MYO18A: variants seen among roughly 807,000 people sequenced by gnomAD.
MYO18A encodes the protein unconventional myosin-XVIIIa.
Under a neutral mutation model 235.8 loss-of-function variants are expected in MYO18A, and 78 were observed. The observed-to-expected ratio is 0.33, with a 90% confidence interval of 0.28 to 0.40. The LOEUF (loss-of-function observed/expected upper bound fraction) is 0.40. MYO18A is among the 10% of genes least tolerant of loss of function. The probability of loss-of-function intolerance (pLI) is 1.00; values close to 1 mark genes in which losing one functional copy is unlikely to be tolerated. For synonymous variants in MYO18A, 977 were observed against 1,077.8 expected (o/e 0.91, Z 1.83); for missense variants, 2,215 against 2,699.3 (o/e 0.82, Z 3.98).
chr17:29,149,031 A>G (rs1196446247), intron 2 of MYO18A, among the ~76,000 whole-genome samples: 1 of 152,228 alleles, frequency 6.6e-6, no homozygotes, highest in Non-Finnish European at 1.5e-5. Flanking sequence ...GGCGCCCAGC[A>G]GAGGGTGGCA....
At chr17:29,177,817 G>A (rs757549988) in intron 1 of MYO18A, among the ~76,000 whole-genome samples, 1 of 152,206 alleles carries the variant, frequency 6.6e-6, no homozygotes, top group Non-Finnish European at 1.5e-5. Context: ...CAGCTCACGT[G>A]GATGCTCTGG....
At chr17:29,154,143 T>A (rs1004059641) in intron 2 of MYO18A, among the ~76,000 whole-genome samples, 3 of 128,172 alleles carry the variant, frequency 2.3e-5, no homozygotes, top group Admixed American at 1.5e-4. Flanking sequence ...CGTGTGTATG[T>A]GGCGCCTAGG....
At chr17:29,163,517 C>T (rs1278895952) in intron 2 of MYO18A, among the ~76,000 whole-genome samples, 5 of 152,210 alleles carry the variant, frequency 3.3e-5, no homozygotes, top group African/African-American at 9.6e-5. Context: ...AAGAAGTCCT[C>T]TGGGCACCAG....
intron 2 of MYO18A, among the ~76,000 whole-genome samples, chr17:29,162,689 G>A (rs1175978047): frequency 6.6e-6 from 1 of 152,214 alleles, no homozygotes; most frequent in Non-Finnish European, 1.5e-5. Context: ...CTCACCGCTG[G>A]AGCCCAGGAC....
In MYO18A at chr17:29,096,800, TG is replaced by T. The variant is rs2066528771; in HGVS notation, c.4345del (p.Gln1449SerfsTer50). On this transcript the variant is annotated frameshift_variant, in exon 28 of 42. Coordinates refer to ENST00000527372, the MANE Select transcript of MYO18A (RefSeq NM_078471.4). LOFTEE classifies it high-confidence loss of function. ...LQDTKLHLEG[Q>X]QVRNHELEKK... ...CTCCAGTTCGTGGTTGCGGACCTGC[TG>T]GCCCTCCAGGTGCAGCTTGGTGTCT... 1 of 1,606,590 alleles carries T rather than the reference TG, an allele frequency of 6.2e-7. No individual in the cohort carries two copies. Among genetic ancestry groups the T allele is most frequent in the South Asian group, 1.1e-5 (1 of 89,168 alleles).
intron 15 of MYO18A, among the ~76,000 whole-genome samples, chr17:29,112,164 C>T (rs2066947096): frequency 6.6e-6 from 1 of 152,212 alleles, no homozygotes. Context: ...GCCCCGAGGC[C>T]CTCCTCCACC....
intron 2 of MYO18A, among the ~76,000 whole-genome samples, chr17:29,144,550 G>T (rs916226538): frequency 6.6e-6 from 1 of 152,192 alleles, no homozygotes; most frequent in Non-Finnish European, 1.5e-5. Flanking sequence ...TGACCTAAGG[G>T]AAAGTTACTT....
At chr17:29,079,657 G>T (rs1381134309) in intron 41 of MYO18A, 2 of 954,898 alleles carry the variant, frequency 2.1e-6, no homozygotes, top group Non-Finnish European at 2.5e-6. Context: ...GGCGGCCTGA[G>T]GGGCAGGGAG....
At chr17:29,093,942 G>A in intron 31 of MYO18A, 38 bp downstream of exon 31, 1 of 1,437,834 alleles carries the variant, frequency 7.0e-7, no homozygotes, top group Non-Finnish European at 9.6e-7. Context: ...ATGGGAACAG[G>A]TGTTTACGCT....
At position 29,109,982 on chromosome 17, in the gene MYO18A, G is replaced by T. The variant is rs1598318228; in HGVS notation, c.3207C>A (p.Ser1069Arg). 2 of 1,611,390 alleles carry T rather than the reference G, an allele frequency of 1.2e-6. No individual in the cohort carries two copies. Among genetic ancestry groups the T allele is most frequent in the Non-Finnish European group, 1.7e-6 (2 of 1,178,980 alleles). ...RSASSRRVSS[S>R]SELDLPSGDH... is the part of the protein sequence containing the mutation. ...CTCCCGAGGGCAGGTCCAGCTCACT[G>T]CTGCTGCTGACTCGGCGGGAGGAGG... The change falls in exon 19 of 42, where the codon AGC (serine) becomes AGA (arginine). Residue 1069 changes from serine (S) to arginine (R), a missense_variant. Transcript: ENST00000527372. This position sits in a 1 kb window ranked among gnomAD's most constrained non-coding sequence, Gnocchi z 4.1.
chr17:29,119,508 G>A, intron 7 of MYO18A, 73 bp from the exon 8 acceptor site: 1 of 1,116,982 alleles, frequency 9.0e-7, no homozygotes, highest in Non-Finnish European at 1.3e-6. Flanking sequence ...ACATAAGAAG[G>A]AATCAAACAC....
chr17:29,119,958 C>T lies in MYO18A; in HGVS notation c.1729-523G>A, dbSNP rs150422132. On this transcript the variant is annotated intron_variant, in intron 7 of 41. Coordinates refer to ENST00000527372, the MANE Select transcript of MYO18A (RefSeq NM_078471.4). Reference sequence around the variant, plus strand: ...TGGCGCAATCACAGCTCGCTGCAGCCTTAACCTCCCAGGTTCAAGTGACCC... The same window carrying T: ...TGGCGCAATCACAGCTCGCTGCAGCTTTAACCTCCCAGGTTCAAGTGACCC... Among the ~76,000 whole-genome samples the T allele has an allele frequency of 3.7e-3, 558 of 152,266 alleles. 3 individuals are homozygous for T. Among genetic ancestry groups the T allele is most frequent in the Middle Eastern group, 3.4e-3 (1 of 294 alleles).
intron 40 of MYO18A, among the ~76,000 whole-genome samples, chr17:29,083,549 C>T (rs890065130): frequency 6.6e-6 from 1 of 151,778 alleles, no homozygotes; most frequent in African/African-American, 2.4e-5. Flanking sequence ...CACACACACA[C>T]ACACACACAC....
In MYO18A at chr17:29,171,504, C is replaced by T. The variant is rs538864173; in HGVS notation, c.-81-4483G>A. Among the ~76,000 whole-genome samples the T allele has an allele frequency of 2.0e-5, 3 of 151,962 alleles. No individual in the cohort carries two copies. In the South Asian group the frequency reaches 6.2e-4, roughly 32 times the overall value. ...CCACTCAAAAGAAAAGAACTATAAA[C>T]AAATATTGAACTCTAGTGAATGATA... On this transcript the variant is annotated intron_variant, in intron 1 of 41. Transcript: ENST00000527372.
chr17:29,168,044 C>A (rs1279943723), intron 1 of MYO18A, among the ~76,000 whole-genome samples: 2 of 152,062 alleles, frequency 1.3e-5, no homozygotes, highest in African/African-American at 4.8e-5. Flanking sequence ...AGTTGTCACA[C>A]AGCTAATAAA....
Position 29,092,428 on chromosome 17 carries a change from G to A in MYO18A, c.5102C>T (p.Ala1701Val). ...CATTGCTTTCCGTGCTTTCACGGCT[G>A]CCGCACAGGTGAACTCTGACTCCTC... is the stretch of plus-strand genomic sequence containing the variant. ...QLEESEFTCA[A>V]AVKARKAMEV... Residue 1701 changes from alanine (A) to valine (V), a missense_variant, in exon 34 of 42, where the codon GCA (alanine) becomes GTA (valine). By Grantham distance (64) the Ala-to-Val change is moderately conservative (BLOSUM62 0). Coordinates refer to ENST00000527372, the MANE Select transcript of MYO18A (RefSeq NM_078471.4). The A allele has an allele frequency of 6.2e-7, 1 of 1,612,212 alleles. No homozygotes were observed.
rs1359356298 is a variant in MYO18A at position 29,092,850 on chromosome 17, G to A, written c.5073+5C>T. ...CTGGATCAGCCGTGTGCTCTCTGTG[G>A]ATACCTGGTTCTTGAGCTGGGCAAT... is the stretch of plus-strand genomic sequence containing the variant. On this transcript the variant is annotated splice_donor_5th_base_variant and intron_variant, in intron 33 of 41. Coordinates refer to ENST00000527372, the MANE Select transcript of MYO18A (RefSeq NM_078471.4). 2 of 1,613,658 alleles carry A rather than the reference G, an allele frequency of 1.2e-6. No individual in the cohort carries two copies. Among genetic ancestry groups the A allele is most frequent in the Admixed American group, 3.3e-5 (2 of 59,998 alleles).
chr17:29,078,078 G>A (rs749924322), intron 41 of MYO18A: 1 of 152,210 alleles, frequency 6.6e-6, no homozygotes, highest in African/African-American at 2.4e-5. Flanking sequence ...GCAGTGGTGC[G>A]ATCTCGGTTC....
At chr17:29,177,068 C>G (rs151306129) in intron 1 of MYO18A, among the ~76,000 whole-genome samples, 1 of 152,204 alleles carries the variant, frequency 6.6e-6, no homozygotes, top group African/African-American at 2.4e-5. Context: ...TCCGTGTGAC[C>G]TTGAGCAAGT....
Sources: allele counts gnomAD v4.1 joint callset (sites outside exome capture counted in the v4.1 genomes callset), GRCh38; gene constraint gnomAD v4.1.1; non-coding constraint Gnocchi (gnomAD v3.1); transcripts MANE v1.5; gene names NCBI Gene and HGNC (gene_info 2026-07-23, HGNC 2026-07-21).